The following ASIC2 variants were observed in gnomAD, a reference collection of about 807,000 sequenced individuals.
ASIC2 encodes acid sensing ion channel subunit 2.
A neutral mutation model predicts 57.3 loss-of-function variants in ASIC2; 25 were observed. The observed-to-expected ratio is 0.44, with a 90% confidence interval of 0.32 to 0.61. ASIC2 has a LOEUF of 0.61. ASIC2 is among the 20% of genes least tolerant of loss of function. The pLI is 0.06. For missense variants in ASIC2, 641 were observed against 738.1 expected, an observed-to-expected ratio of 0.87 and a Z score of 1.52; for synonymous variants, 319 against 307.5, an observed-to-expected ratio of 1.04 and a Z score of -0.39.
rs1468590619 is a variant in ASIC2 at position 33,625,793 on chromosome 17, G to A, written c.556-513726C>T. Among the ~76,000 whole-genome samples the A allele has an allele frequency of 3.3e-5, 5 of 151,880 alleles. No homozygotes were observed. In the South Asian group the frequency reaches 6.3e-4, roughly 19 times the overall value. On this transcript the variant is annotated intron_variant, in intron 1 of 9. Transcript: ENST00000359872. ...GAACAAGCTCATGGCCAGCTGGAGA[G>A]AGAGTGGGAAATCTACACTGCTTAG...
At chr17:33,269,300 G>C (rs542593532) in intron 1 of ASIC2, among the ~76,000 whole-genome samples, 8 of 152,274 alleles carry the variant, frequency 5.3e-5, no homozygotes, top group African/African-American at 1.9e-4. Flanking sequence ...CTGACCCCCC[G>C]ACCTAGAACC....
chr17:33,358,384 C>T (rs1245356972), intron 1 of ASIC2, among the ~76,000 whole-genome samples: 1 of 152,156 alleles, frequency 6.6e-6, no homozygotes, highest in Non-Finnish European at 1.5e-5. Context: ...AAAATGCCTC[C>T]TGATGGATAG....
At chr17:33,733,638 T>G (rs1909816157) in intron 1 of ASIC2, among the ~76,000 whole-genome samples, 2 of 152,200 alleles carry the variant, frequency 1.3e-5, no homozygotes, top group African/African-American at 4.8e-5. Flanking sequence ...AGCCTCAGTT[T>G]ATTTATCAAC....
At chr17:34,112,483 C>G (rs1911306341) in intron 1 of ASIC2, among the ~76,000 whole-genome samples, 1 of 151,386 alleles carries the variant, frequency 6.6e-6, no homozygotes, top group South Asian at 2.1e-4. Flanking sequence ...AGGAAAACTT[C>G]AGCCCACACA....
At chr17:33,599,649 A>G (rs1408500750) in intron 1 of ASIC2, among the ~76,000 whole-genome samples, 2 of 152,224 alleles carry the variant, frequency 1.3e-5, no homozygotes, top group Non-Finnish European at 2.9e-5. Context: ...GACTGAACAC[A>G]GGCCAGTGTG....
intron 1 of ASIC2, among the ~76,000 whole-genome samples, chr17:33,250,886 G>A (rs1435902783): frequency 5.3e-5 from 8 of 152,130 alleles, no homozygotes; most frequent in East Asian, 1.9e-4. Context: ...ATATGTAATC[G>A]GCATTAGATG....
chr17:33,654,751 G>A (rs1223257202), intron 1 of ASIC2, among the ~76,000 whole-genome samples: 2 of 152,196 alleles, frequency 1.3e-5, no homozygotes, highest in African/African-American at 4.8e-5. Flanking sequence ...CAATTCAGAA[G>A]AAGTAGGGAA....
At chr17:33,475,601 T>C (rs1356756444) in intron 1 of ASIC2, among the ~76,000 whole-genome samples, 2 of 152,250 alleles carry the variant, frequency 1.3e-5, no homozygotes, top group Admixed American at 6.5e-5. Flanking sequence ...TAAGTAACGA[T>C]GTCTGGTTCA....
chr17:33,943,329 C>T (rs1425976451), intron 1 of ASIC2, among the ~76,000 whole-genome samples: 1 of 152,232 alleles, frequency 6.6e-6, no homozygotes, highest in African/African-American at 2.4e-5. Flanking sequence ...GTCCGCACTT[C>T]ATCTTTGAAA....
intron 1 of ASIC2, among the ~76,000 whole-genome samples, chr17:33,509,331 A>G (rs186267191): frequency 2.3e-3 from 356 of 152,316 alleles, no homozygotes; most frequent in African/African-American, 7.6e-3. Context: ...CTTTTAGACT[A>G]TGGACATTGG....
chr17:33,349,329 T>G (rs573456196), intron 1 of ASIC2, among the ~76,000 whole-genome samples: 1 of 152,358 alleles, frequency 6.6e-6, no homozygotes, highest in South Asian at 2.1e-4. Context: ...ATAACACCAC[T>G]GCTTGTGATT....
upstream of ASIC2, among the ~76,000 whole-genome samples, chr17:33,298,090 G>A (rs983983038): frequency 2.7e-5 from 4 of 150,336 alleles, no homozygotes; most frequent in African/African-American, 9.8e-5. Flanking sequence ...AGCTAGGGGT[G>A]CTCTCTGATA....
chr17:33,244,542 G>A (rs1553040), intron 1 of ASIC2, among the ~76,000 whole-genome samples: 90,550 of 152,110 alleles, frequency 0.6, 27,262 homozygotes, highest in Middle Eastern at 0.65. Context: ...TGTTTACGCA[G>A]ACACAAAGCT....
At chr17:33,526,666 C>T (rs571426576) in intron 1 of ASIC2, among the ~76,000 whole-genome samples, 1 of 148,354 alleles carries the variant, frequency 6.7e-6, no homozygotes, top group East Asian at 1.9e-4. Context: ...CCTTATACAG[C>T]CAGGGCATTG....
intron 1 of ASIC2, among the ~76,000 whole-genome samples, chr17:33,803,459 A>T (rs1265780529): frequency 6.6e-6 from 1 of 151,982 alleles, no homozygotes; most frequent in Non-Finnish European, 1.5e-5. Context: ...GAACCCTAAG[A>T]GTGTACCCCA....
At chr17:33,727,217 C>T (rs1909588647) in intron 1 of ASIC2, among the ~76,000 whole-genome samples, 1 of 152,112 alleles carries the variant, frequency 6.6e-6, no homozygotes. Flanking sequence ...GAAGAAATGG[C>T]TCACAAGAGG....
intron 1 of ASIC2, among the ~76,000 whole-genome samples, chr17:33,280,160 G>A (rs1458370178): frequency 6.6e-6 from 1 of 152,104 alleles, no homozygotes; most frequent in South Asian, 2.1e-4. Context: ...AGGAGACATT[G>A]CTCTTGCTGT....
intron 1 of ASIC2, among the ~76,000 whole-genome samples, chr17:33,844,876 C>G (rs1913536406): frequency 6.6e-6 from 1 of 151,924 alleles, no homozygotes; most frequent in African/African-American, 2.4e-5. Flanking sequence ...TCTAGCAATC[C>G]TGGGATTTCC....
chr17:34,154,534 T>C (rs1037509222), intron 1 of ASIC2, among the ~76,000 whole-genome samples: 7 of 152,268 alleles, frequency 4.6e-5, no homozygotes, highest in Admixed American at 6.5e-5. Context: ...CCCGGCACTC[T>C]GGGCTTTTTC....
Sources: allele counts gnomAD v4.1 joint callset (sites outside exome capture counted in the v4.1 genomes callset), GRCh38; gene constraint gnomAD v4.1.1; transcripts MANE v1.5; gene names NCBI Gene and HGNC (gene_info 2026-07-23, HGNC 2026-07-21).